FER: variants seen among roughly 807,000 people sequenced by gnomAD.
FER encodes the protein FER tyrosine kinase.
Under a neutral mutation model 111.0 loss-of-function variants are expected in FER, and 63 were observed. The observed-to-expected ratio is 0.57, with a 90% CI of 0.46 to 0.70. The LOEUF (loss-of-function observed/expected upper bound fraction) is 0.70. FER is among the 30% of genes least tolerant of loss of function. The probability of loss-of-function intolerance (pLI) is 0.00; values close to 1 mark genes in which losing one functional copy is unlikely to be tolerated. For missense variants in FER, 914 were observed against 954.0 expected (o/e 0.96, Z 0.55); for synonymous variants, 327 against 313.9 (o/e 1.04, Z -0.44).
chr5:108,970,202 ATTTATTTATTTATT>A (rs1760448938), intron 13 of FER, among the ~76,000 whole-genome samples: 1 of 147,094 alleles, frequency 6.8e-6, no homozygotes, highest in South Asian at 2.1e-4. Flanking sequence ...AATTTATTTG[ATTTATTTATTTATT>A]TTTATTTATT....
chr5:108,809,983 T>A (rs1395791119), intron 3 of FER, among the ~76,000 whole-genome samples: 1 of 152,188 alleles, frequency 6.6e-6, no homozygotes, highest in Admixed American at 6.5e-5. Flanking sequence ...AGTGCCAGAA[T>A]TCTTGTGCTG....
intron 13 of FER, 140 bp from the exon 14 acceptor site, chr5:109,037,282 G>T: frequency 1.6e-6 from 1 of 632,012 alleles, no homozygotes; most frequent in East Asian, 2.8e-5. Context: ...AGCATCTTGG[G>T]GTTATAACTT....
chr5:109,172,068 C>T (rs2126802618), intron 17 of FER, among the ~76,000 whole-genome samples: 1 of 152,256 alleles, frequency 6.6e-6, no homozygotes, highest in Admixed American at 6.5e-5. Flanking sequence ...TTGTGGAAGT[C>T]AGTGTGGCAA....
At chr5:109,138,754 G>A (rs1228448596) in intron 17 of FER, among the ~76,000 whole-genome samples, 2 of 152,146 alleles carry the variant, frequency 1.3e-5, no homozygotes, top group East Asian at 1.9e-4. Context: ...GAAGCAGTTA[G>A]GAGACTATTA....
intron 13 of FER, among the ~76,000 whole-genome samples, chr5:109,012,041 C>A (rs893802216): frequency 2.0e-5 from 3 of 151,574 alleles, no homozygotes; most frequent in Non-Finnish European, 4.4e-5. Flanking sequence ...CCATCTTTAG[C>A]CCTCAGTCCT....
chr5:108,862,714 G>A (rs1429383283), intron 5 of FER, among the ~76,000 whole-genome samples: 1 of 152,060 alleles, frequency 6.6e-6, no homozygotes, highest in African/African-American at 2.4e-5. Context: ...ACTGTGGAAA[G>A]TGTCTTTATT....
chr5:108,852,586 A>G (rs1762637464), intron 5 of FER, among the ~76,000 whole-genome samples: 1 of 152,118 alleles, frequency 6.6e-6, no homozygotes, highest in Admixed American at 6.5e-5. Flanking sequence ...TAACATATGG[A>G]AAAATTCATA....
intron 13 of FER, among the ~76,000 whole-genome samples, chr5:109,011,424 C>T (rs1034309869): frequency 1.3e-5 from 2 of 152,172 alleles, no homozygotes; most frequent in African/African-American, 4.8e-5. Flanking sequence ...GTTTTCAGTA[C>T]ATTAACTGGA....
chr5:109,137,449 T>A, intron 17 of FER, among the ~76,000 whole-genome samples: 1 of 152,216 alleles, frequency 6.6e-6, no homozygotes, highest in Non-Finnish European at 1.5e-5. Flanking sequence ...CCAAAGACTG[T>A]GCTAAGGCAC....
At chr5:109,088,997 G>A (rs1390846121) in intron 16 of FER, among the ~76,000 whole-genome samples, 1 of 152,136 alleles carries the variant, frequency 6.6e-6, no homozygotes, top group Non-Finnish European at 1.5e-5. Context: ...GGCTACCCTA[G>A]ATTTCTGAGG....
intron 16 of FER, among the ~76,000 whole-genome samples, chr5:109,095,013 A>T (rs1302582809): frequency 6.6e-6 from 1 of 151,922 alleles, no homozygotes; most frequent in Admixed American, 6.6e-5. Flanking sequence ...AGTGAAATGT[A>T]CTCTTTTATT....
At chr5:109,144,989 T>A in intron 17 of FER, among the ~76,000 whole-genome samples, 1 of 151,940 alleles carries the variant, frequency 6.6e-6, no homozygotes, top group Admixed American at 6.6e-5. Context: ...TTCTCTGTTT[T>A]TCAAGGTCAA....
chr5:108,885,522 A>T (rs1039446758), intron 9 of FER, among the ~76,000 whole-genome samples: 1 of 151,902 alleles, frequency 6.6e-6, no homozygotes, highest in African/African-American at 2.4e-5. Context: ...GTAAGTCTGA[A>T]ATCAGGGTGC....
chr5:109,134,227 C>T (rs151322988), intron 17 of FER, among the ~76,000 whole-genome samples: 8 of 152,110 alleles, frequency 5.3e-5, no homozygotes, highest in Non-Finnish European at 1.0e-4. Context: ...AAGTTCCATA[C>T]TATGTAATAT....
intron 4 of FER, 65 bp from the exon 5 acceptor site, chr5:108,835,643 T>G (rs991199878): frequency 1.2e-5 from 13 of 1,080,122 alleles, no homozygotes; most frequent in Non-Finnish European, 1.6e-5. Flanking sequence ...ACTTTGGAAT[T>G]TAAGTTCTTG....
intron 16 of FER, among the ~76,000 whole-genome samples, chr5:109,060,787 T>TATATAC (rs571418220): frequency 0.061 from 9,079 of 149,700 alleles, 268 homozygotes; most frequent in South Asian, 0.088. Context: ...TATATATATA[T>TATATAC]ACACACCAAA....
intron 5 of FER, among the ~76,000 whole-genome samples, chr5:108,865,281 A>G (rs1285753401): frequency 6.6e-6 from 1 of 152,146 alleles, no homozygotes; most frequent in Admixed American, 6.6e-5. Flanking sequence ...TTCTAAATAA[A>G]CAATCATGTC....
intron 16 of FER, among the ~76,000 whole-genome samples, chr5:109,060,948 C>G (rs1286573235): frequency 6.6e-6 from 1 of 152,042 alleles, no homozygotes; most frequent in East Asian, 1.9e-4. Flanking sequence ...TATAATCCAG[C>G]CAGAACTTTA....
At chr5:108,992,861 G>A (rs1444231069) in intron 13 of FER, among the ~76,000 whole-genome samples, 1 of 151,184 alleles carries the variant, frequency 6.6e-6, no homozygotes, top group Non-Finnish European at 1.5e-5. Context: ...CTCCCAGACG[G>A]GGTCGCGGCC....
Sources: gnomAD v4.1 joint callset for allele counts (sites outside exome capture counted in the v4.1 genomes callset) on GRCh38, gnomAD v4.1.1 for gene constraint, MANE v1.5 for transcripts, NCBI Gene and HGNC (gene_info 2026-07-23, HGNC 2026-07-21) for gene names.